The following LSS variants were observed in gnomAD, a reference collection of about 807,000 sequenced individuals.
LSS encodes the protein 2,3-epoxysqualene-lanosterol cyclase.
Under a neutral mutation model 110.3 loss-of-function variants are expected in LSS, and 90 were observed. That is an observed-to-expected ratio of 0.82 (90% CI 0.69 to 0.97). LSS has a LOEUF of 0.97. Ranked by LOEUF, LSS falls within the 50% of genes least tolerant of loss-of-function variation. The pLI, the probability that LSS is intolerant of heterozygous loss-of-function variation, is 0.00. For synonymous variants in LSS, 433 were observed against 400.0 expected (o/e 1.08, Z -0.98); for missense variants, 927 against 990.0 (o/e 0.94, Z 0.85).
In LSS at chr21:46,205,733, C is replaced by T. The variant is rs564592896; in HGVS notation, c.1670+103G>A. 44 of 823,734 alleles carry T rather than the reference C, an allele frequency of 5.3e-5. No individual in the cohort carries two copies. The South Asian group carries it at 6.0e-4, about 11-fold the overall frequency. The allele number at this position is 823,734 out of a possible 1,614,324, so 51.0% of individuals were successfully genotyped here. On this transcript the variant is annotated intron_variant, in intron 17 of 21. Transcript: ENST00000397728. Reference sequence around the variant, plus strand: ...GCCTCTTGCATGTTTCCATGAGTTTCGCTTCTGAGATGGGCCACCAGGGCC... The same window carrying T: ...GCCTCTTGCATGTTTCCATGAGTTTTGCTTCTGAGATGGGCCACCAGGGCC...
intron 17 of LSS, among the ~76,000 whole-genome samples, chr21:46,203,099 G>A (rs752866505): frequency 3.3e-5 from 5 of 152,248 alleles, no homozygotes; most frequent in Non-Finnish European, 7.3e-5. Flanking sequence ...GAGATGAGCA[G>A]AGAAGAGAAG....
rs1242830540 is a variant in LSS, at chr21:46,190,970, C to T, written c.*134G>A. ...CCCATCCCTGCCTCCAGCCTGGCCC[C>T]CAGATTCACATCTATGAGATAGAGG... On this transcript the variant is annotated 3_prime_UTR_variant, in exon 22 of 22. Coordinates refer to ENST00000397728, the MANE Select transcript of LSS (RefSeq NM_002340.6). The surrounding 1 kb of genome is among the most constrained non-coding windows in gnomAD (Gnocchi z 4.6). 6.5e-6 allele frequency: 7 copies of T among 1,083,210 alleles called. No individual in the cohort carries two copies. The highest frequency in any genetic ancestry group is 7.9e-6 in the Non-Finnish European group (6 of 758,868). The allele number at this position is 1,083,210 out of a possible 1,614,324, so 67.1% of individuals were successfully genotyped here.
At position 46,208,447 on chromosome 21, in the gene LSS, G is replaced by A. The variant is rs558658075; in HGVS notation, c.1267-146C>T. On this transcript the variant is annotated intron_variant, in intron 13 of 21. Transcript: ENST00000397728. Reference sequence around the variant, plus strand: ...ACTCTGCCGGCCACAGCCACCACTGGTGCTGCGAGGCGCGCGAGGGCCTGC... The same window carrying A: ...ACTCTGCCGGCCACAGCCACCACTGATGCTGCGAGGCGCGCGAGGGCCTGC... The A allele has an allele frequency of 1.1e-5, 8 of 744,130 alleles. No individual in the cohort carries two copies. In the East Asian group the frequency reaches 1.9e-4, roughly 17 times the overall value. The allele number at this position is 744,130 out of a possible 1,614,324, so 46.1% of individuals were successfully genotyped here. A position where few individuals can be genotyped will look rare whatever the true frequency, so the allele number is the denominator to read the frequency against.
intron 17 of LSS, among the ~76,000 whole-genome samples, chr21:46,202,505 A>G (rs1395726101): frequency 1.3e-5 from 2 of 152,196 alleles, no homozygotes; most frequent in African/African-American, 2.4e-5. Context: ...GATAAAAAGA[A>G]CAAAGAAATT....
Position 46,205,832 on chromosome 21 carries a change from T to C in LSS, c.1670+4A>G, listed in dbSNP as rs1424646388. The C allele has an allele frequency of 6.3e-7, 1 of 1,596,874 alleles. No individual in the cohort carries two copies. The highest frequency in any genetic ancestry group is 8.5e-7 in the Non-Finnish European group (1 of 1,171,440). On this transcript the variant is annotated splice_donor_region_variant and intron_variant, in intron 17 of 21. Transcript: ENST00000397728. ...CCACACTGAATGGCTGAGACCCTCC[T>C]TACCGGATCTCCGCTGCCCTGTGCT...
At chr21:46,194,409 C>G in intron 20 of LSS, 82 bp downstream of exon 20, 1 of 1,542,088 alleles carries the variant, frequency 6.5e-7, no homozygotes, top group Non-Finnish European at 8.8e-7. Context: ...TCTACATTCA[C>G]TCAGCCCAGG....
chr21:46,220,021 C>G (rs2080254913), intron 5 of LSS, among the ~76,000 whole-genome samples: 1 of 152,206 alleles, frequency 6.6e-6, no homozygotes, highest in East Asian at 1.9e-4. Context: ...GTCATCTCCA[C>G]TTGGCAGACT....
At chr21:46,222,529 C>T in intron 4 of LSS, 101 bp downstream of exon 4, 1 of 1,008,478 alleles carries the variant, frequency 9.9e-7, no homozygotes, top group Non-Finnish European at 1.5e-6. Flanking sequence ...CAGCTGCAAT[C>T]ACTCCTAACC....
Position 46,190,138 on chromosome 21 carries a change from G to C in LSS, c.*966C>G, listed in dbSNP as rs2123678459. ...ATACCTGCCAGCCAGCCCAGGGAGT[G>C]GTGATGGGCTGGGTGCTGGCTGTCC... On this transcript the variant is annotated 3_prime_UTR_variant, in exon 22 of 22. Coordinates refer to ENST00000397728, the MANE Select transcript of LSS (RefSeq NM_002340.6). The surrounding 1 kb of genome is among the most constrained non-coding windows in gnomAD (Gnocchi z 4.6). 1 of 228,168 alleles carries C rather than the reference G, an allele frequency of 4.4e-6. No individual in the cohort carries two copies. The highest frequency in any genetic ancestry group is 8.8e-6 in the Non-Finnish European group (1 of 114,108). 14.1% of individuals were successfully genotyped at this position (228,168 alleles called of 1,614,324 possible). A position where few individuals can be genotyped will look rare whatever the true frequency, so the allele number is the denominator to read the frequency against.
At position 46,222,847 on chromosome 21, in the gene LSS, C is replaced by G. The variant is rs796791017; in HGVS notation, c.320-109G>C. 44 of 768,826 alleles carry G rather than the reference C, an allele frequency of 5.7e-5. No individual in the cohort carries two copies. The African/African-American group carries it at 7.2e-4, about 13-fold the overall frequency. 47.6% of individuals were successfully genotyped at this position (768,826 alleles called of 1,614,324 possible). On this transcript the variant is annotated intron_variant, in intron 3 of 21. Transcript: ENST00000397728. ...CTCCAACAGGGAGCTACCTCCTTCTCATAAAAACACCCCCTGGAAAGGCCA... is the reference window on the plus strand; with the variant it reads ...CTCCAACAGGGAGCTACCTCCTTCTGATAAAAACACCCCCTGGAAAGGCCA...
chr21:46,225,342 T>C, intron 3 of LSS: 1 of 448,458 alleles, frequency 2.2e-6, no homozygotes, highest in South Asian at 1.6e-5. Context: ...GGTCTAGCGG[T>C]AACGCCAGCA....
chr21:46,219,139 C>T (rs1390268791), intron 6 of LSS, among the ~76,000 whole-genome samples: 2 of 152,176 alleles, frequency 1.3e-5, no homozygotes, highest in Non-Finnish European at 2.9e-5. Flanking sequence ...CAACACAGGA[C>T]GCCCCTGTGC....
rs1341799235 is a variant in LSS, at chr21:46,216,501, G to T, written c.671C>A (p.Ala224Glu). Residue 224 changes from alanine (A) to glutamate (E), a missense_variant, in exon 7 of 22, where the codon GCA (alanine) becomes GAA (glutamate). Ala to Glu is a moderately radical substitution (Grantham distance 107). Coordinates refer to ENST00000397728, the MANE Select transcript of LSS (RefSeq NM_002340.6). This position sits in a 1 kb window ranked among gnomAD's most constrained non-coding sequence, Gnocchi z 4.2. Reference sequence around the variant, plus strand: ...GTGGCACCAGAGTGTGGAGGGGTGTGCCGGTGCCCAGTCAGGAAACAGCCT... The same window carrying T: ...GTGGCACCAGAGTGTGGAGGGGTGTTCCGGTGCCCAGTCAGGAAACAGCCT... ...EMWLFPDWAP[A>E]HPSTLWCHCR... 1 of 1,608,030 alleles carries T rather than the reference G, an allele frequency of 6.2e-7. No individual in the cohort carries two copies. The highest frequency in any genetic ancestry group is 1.3e-5 in the African/African-American group (1 of 74,812).
At chr21:46,192,709 A>G (rs1177156335) in intron 20 of LSS, 1 of 453,058 alleles carries the variant, frequency 2.2e-6, no homozygotes. Flanking sequence ...CCATGTACGT[A>G]TGTCTGTGTG....
At chr21:46,228,284 G>T in intron 2 of LSS, 150 bp downstream of exon 2, 1 of 783,606 alleles carries the variant, frequency 1.3e-6, no homozygotes, top group Non-Finnish European at 2.0e-6. Context: ...GAAGCGGAGG[G>T]GCCCGCGAAC....
At chr21:46,212,722 C>T (rs2080149208) in intron 11 of LSS, among the ~76,000 whole-genome samples, 1 of 152,210 alleles carries the variant, frequency 6.6e-6, no homozygotes, top group Admixed American at 6.5e-5. Context: ...CACCTCCTGC[C>T]ACAGTAACAA....
chr21:46,214,647 C>A (rs2080176464), intron 9 of LSS, among the ~76,000 whole-genome samples: 1 of 152,180 alleles, frequency 6.6e-6, no homozygotes, highest in Non-Finnish European at 1.5e-5. Flanking sequence ...CACGCACCAG[C>A]ACAGCCCGGG....
chr21:46,218,803 G>A (rs1248296699), intron 6 of LSS, among the ~76,000 whole-genome samples: 2 of 151,126 alleles, frequency 1.3e-5, no homozygotes, highest in Non-Finnish European at 2.9e-5. Context: ...TCGGCTCACG[G>A]TAACCTCTGC....
intron 15 of LSS, 123 bp from the exon 16 acceptor site, chr21:46,206,891 G>A: frequency 1.4e-6 from 1 of 728,476 alleles, no homozygotes; most frequent in South Asian, 1.5e-5. Context: ...GGAACAGGGG[G>A]CGGAGAGCTG....
Sources: gnomAD v4.1 joint callset for allele counts (sites outside exome capture counted in the v4.1 genomes callset) on GRCh38, gnomAD v4.1.1 for gene constraint, Gnocchi (gnomAD v3.1) non-coding constraint, MANE v1.5 for transcripts, NCBI Gene and HGNC (gene_info 2026-07-23, HGNC 2026-07-21) for gene names.